Variants in EHBP1L1 observed in about 807,000 individuals in gnomAD.
EHBP1L1 encodes EH domain binding protein 1 like 1.
Under a neutral mutation model 151.1 loss-of-function variants are expected in EHBP1L1, and 122 were observed. The observed-to-expected ratio is 0.81, with a 90% CI of 0.70 to 0.94. The LOEUF is 0.94. Among genes scored for constraint, EHBP1L1 ranks in the 40% least tolerant of loss-of-function variants. EHBP1L1 has a pLI of 0.00. For synonymous variants in EHBP1L1, 878 were observed against 810.1 expected (o/e 1.08, Z -1.42); for missense variants, 1,941 against 1,959.8 (o/e 0.99, Z 0.18).
chr11:65,584,788 C>G, intron 11 of EHBP1L1, 171 bp from the exon 12 acceptor site: 2 of 1,042,740 alleles, frequency 1.9e-6, no homozygotes, highest in Non-Finnish European at 2.7e-6. Context: ...CGTTGCTAAG[C>G]AACGCGAGGG....
In EHBP1L1 at chr11:65,582,642, A is replaced by G. The variant is rs1184354161; in HGVS notation, c.1970A>G (p.Glu657Gly). The G allele has an allele frequency of 6.2e-7, 1 of 1,613,494 alleles. No individual in the cohort carries two copies. Among genetic ancestry groups the G allele is most frequent in the Admixed American group, 1.7e-5 (1 of 60,012 alleles). The change falls in exon 9 of 19, where the codon GAA (glutamate) becomes GGA (glycine). Residue 657 changes from glutamate to glycine, a missense_variant. By Grantham distance (98) the Glu-to-Gly change is moderately conservative (BLOSUM62 -2). Coordinates refer to ENST00000309295, the MANE Select transcript of EHBP1L1 (RefSeq NM_001099409.3). The stretch of plus-strand genomic sequence containing the variant: ...GAGGTATTGGGGACCCAGAAAACAG[A>G]AGCTGGGGGTTCAGGAGTTTTGCAG... ...ETEVLGTQKTEAGGSGVLQTR... is the reference protein window; with the variant it reads ...ETEVLGTQKTGAGGSGVLQTR...
Position 65,583,234 on chromosome 11 carries a change from C to G in EHBP1L1, c.2562C>G (p.Pro854=). 1.9e-6 allele frequency: 3 copies of G among 1,613,356 alleles called. No individual in the cohort carries two copies. Among genetic ancestry groups the G allele is most frequent in the Non-Finnish European group, 8.5e-7 (1 of 1,179,778 alleles). ...TEVGGSGISG[P]EAGMAEARVL... is the part of the protein sequence containing the mutation. Reference sequence around the variant, plus strand: ...TCGGGGGTTCAGGGATCTCAGGGCCCGAGGCTGGAATGGCAGAGGCCCGAG... The same window carrying G: ...TCGGGGGTTCAGGGATCTCAGGGCCGGAGGCTGGAATGGCAGAGGCCCGAG... The change falls in exon 9 of 19, where the codon CCC becomes CCG. Residue 854 remains proline, a synonymous_variant. Transcript: ENST00000309295.
intron 3 of EHBP1L1, 143 bp downstream of exon 3, chr11:65,579,579 C>G (rs1857494079): frequency 1.4e-6 from 1 of 696,576 alleles, no homozygotes; most frequent in Admixed American, 3.2e-5. Context: ...GCCTGCTCAG[C>G]ATCACTGGCC....
intron 6 of EHBP1L1, 21 bp from the exon 7 acceptor site, chr11:65,581,037 C>G: frequency 1.9e-6 from 3 of 1,588,702 alleles, no homozygotes; most frequent in Non-Finnish European, 2.6e-6. Flanking sequence ...CTGCCCTTCT[C>G]CCCTCTCCTA....
intron 9 of EHBP1L1, 160 bp downstream of exon 9, chr11:65,583,925 C>A (rs1857786636): frequency 7.1e-7 from 1 of 1,416,826 alleles, no homozygotes; most frequent in African/African-American, 1.4e-5. Flanking sequence ...CTCAGGATGC[C>A]CTGGCTCTCT....
chr11:65,581,481 G>A, intron 8 of EHBP1L1, 58 bp from the exon 9 acceptor site: 1 of 1,417,164 alleles, frequency 7.1e-7, no homozygotes, highest in Non-Finnish European at 9.4e-7. Flanking sequence ...GGTGGCGGAT[G>A]GTGCTGAGAG....
At position 65,576,264 on chromosome 11, in the gene EHBP1L1, C is replaced by G; in HGVS notation, c.-39C>G. ...GCCAGCGGTGGCGGGCCAGCGGGAG[C>G]CCCGGGCCTGAGAAGTGGGCGGCGG... On this transcript the variant is annotated 5_prime_UTR_variant, in exon 1 of 19. Transcript: ENST00000309295. 1 of 1,531,782 alleles carries G rather than the reference C, an allele frequency of 6.5e-7. No homozygotes were observed. The highest frequency in any genetic ancestry group is 8.8e-7 in the Non-Finnish European group (1 of 1,141,146). 94.9% of individuals were successfully genotyped at this position (1,531,782 alleles called of 1,614,324 possible). A position where few individuals can be genotyped will look rare whatever the true frequency, so the allele number is the denominator to read the frequency against.
Position 65,584,277 on chromosome 11 carries a change from C to T in EHBP1L1, c.3130C>T (p.Leu1044=), listed in dbSNP as rs1482341470. The change falls in exon 10 of 19, where the codon CTG becomes TTG. Residue 1044 remains leucine, a synonymous_variant. Transcript: ENST00000309295. ...CCTGGTCAGCTCCAGCCAGTCCCTG[C>T]TGGAGTGGTGCCAGGAAGTCACCAC... The part of the protein sequence containing the change: ...PALVSSSQSL[L]EWCQEVTTGY... The T allele has an allele frequency of 1.2e-6, 2 of 1,611,838 alleles. No homozygotes were observed. The highest frequency in any genetic ancestry group is 1.7e-6 in the Non-Finnish European group (2 of 1,179,130).
intron 12 of EHBP1L1, among the ~76,000 whole-genome samples, chr11:65,586,305 C>T (rs1237058734): frequency 2.0e-5 from 3 of 152,134 alleles, no homozygotes; most frequent in Non-Finnish European, 4.4e-5. Context: ...GCTCAGTGAC[C>T]CACAGCTGCT....
Position 65,589,811 on chromosome 11 carries a change from C to T in EHBP1L1, c.3994C>T (p.Gln1332Ter), listed in dbSNP as rs1565132797. The T allele has an allele frequency of 1.3e-6, 2 of 1,563,906 alleles. No homozygotes were observed. The highest frequency in any genetic ancestry group is 2.4e-5 in the East Asian group (1 of 42,112). Residue 1332 changes from glutamine to a stop codon, truncating the protein, a stop_gained, in exon 13 of 19, where the codon CAG becomes TAG. Coordinates refer to ENST00000309295, the MANE Select transcript of EHBP1L1 (RefSeq NM_001099409.3). LOFTEE classifies it high-confidence loss of function. ...PGPPTAADSQ[Q>*]PPGGSSPSEE... ...CCCACCCACAGCTGCAGACTCTCAACAGCCCCCTGGTGAGTAGCAGGAGTG... is the reference window on the plus strand; with the variant it reads ...CCCACCCACAGCTGCAGACTCTCAATAGCCCCCTGGTGAGTAGCAGGAGTG...
chr11:65,581,009 C>T, intron 6 of EHBP1L1, 49 bp from the exon 7 acceptor site: 1 of 1,552,720 alleles, frequency 6.4e-7, no homozygotes, highest in Non-Finnish European at 8.7e-7. Flanking sequence ...GCCTGTGGGG[C>T]CCTGCCCTGG....
chr11:65,584,870 C>T (rs1590827573), intron 11 of EHBP1L1, 89 bp from the exon 12 acceptor site: 5 of 1,477,882 alleles, frequency 3.4e-6, no homozygotes, highest in East Asian at 2.5e-5. Flanking sequence ...GTGCCAATCC[C>T]GGGGACCCCC....
chr11:65,579,808 C>T (rs1857506869), intron 3 of EHBP1L1, 128 bp from the exon 4 acceptor site: 2 of 977,432 alleles, frequency 2.0e-6, no homozygotes, highest in African/African-American at 1.9e-5. Flanking sequence ...GCCTCGACGA[C>T]AGAGGAAGAC....
At position 65,583,754 on chromosome 11, in the gene EHBP1L1, C is replaced by T; in HGVS notation, c.3082C>T (p.Pro1028Ser). 1 of 1,492,118 alleles carries T rather than the reference C, an allele frequency of 6.7e-7. No homozygotes were observed. The highest frequency in any genetic ancestry group is 1.3e-5 in the South Asian group (1 of 76,326). 92.4% of individuals were successfully genotyped at this position (1,492,118 alleles called of 1,614,324 possible). A position where few individuals can be genotyped will look rare whatever the true frequency, so the allele number is the denominator to read the frequency against. The stretch of plus-strand genomic sequence containing the variant: ...GAAGGCTGAAGAGGACAGGAGGCTG[C>T]CGGGCAGCCAGGTAGGGATGGGGGC... Reference protein sequence around the residue: ...PEKAEEDRRLPGSQAPPALVS... With the variant: ...PEKAEEDRRLSGSQAPPALVS... The change falls in exon 9 of 19, where the codon CCG becomes TCG. Residue 1028 changes from proline to serine, a missense_variant. Pro to Ser is a moderately conservative substitution (Grantham distance 74). Transcript: ENST00000309295.
At chr11:65,577,474 G>A (rs933627869) in intron 1 of EHBP1L1, among the ~76,000 whole-genome samples, 15 of 152,218 alleles carry the variant, frequency 9.9e-5, no homozygotes, top group Non-Finnish European at 8.8e-5. Context: ...AGCATCCTGC[G>A]GGAGGCCAGG....
At chr11:65,584,938 C>G (rs1329534947) in intron 11 of EHBP1L1, 21 bp from the exon 12 acceptor site, 1 of 1,531,816 alleles carries the variant, frequency 6.5e-7, no homozygotes, top group African/African-American at 1.4e-5. Flanking sequence ...GCCGCTGACC[C>G]CGAGTGCACC....
At chr11:65,586,080 G>T (rs1021236182) in intron 12 of EHBP1L1, among the ~76,000 whole-genome samples, 1 of 152,168 alleles carries the variant, frequency 6.6e-6, no homozygotes, top group Non-Finnish European at 1.5e-5. Context: ...ACTCAAGGGG[G>T]ATTCTCCAGG....
Position 65,585,670 on chromosome 11 carries a change from C to T in EHBP1L1, c.3933+79C>T. ...GATGGGCAGAGAACGGGCGAGCCCCCAAGGGGCCCCAAGGACAGAGCTGGC... is the reference window on the plus strand; with the variant it reads ...GATGGGCAGAGAACGGGCGAGCCCCTAAGGGGCCCCAAGGACAGAGCTGGC... On this transcript the variant is annotated intron_variant, in intron 12 of 18. Coordinates refer to ENST00000309295, the MANE Select transcript of EHBP1L1 (RefSeq NM_001099409.3). This position sits in a 1 kb window ranked among gnomAD's most constrained non-coding sequence, Gnocchi z 4.0. 3 of 1,509,764 alleles carry T rather than the reference C, an allele frequency of 2.0e-6. No individual in the cohort carries two copies. 93.5% of individuals were successfully genotyped at this position (1,509,764 alleles called of 1,614,324 possible).
Position 65,589,732 on chromosome 11 carries a change from C to A in EHBP1L1, c.3934-19C>A. The A allele has an allele frequency of 1.3e-6, 2 of 1,524,004 alleles. No homozygotes were observed. Among genetic ancestry groups the A allele is most frequent in the Non-Finnish European group, 1.8e-6 (2 of 1,134,678 alleles). The allele number at this position is 1,524,004 out of a possible 1,614,324, so 94.4% of individuals were successfully genotyped here. Reference sequence around the variant, plus strand: ...GGTGGGAAACCCCTCCCAGCCCTCACTGGCCCCTTCTTCCACAGGAAGGCC... The same window carrying A: ...GGTGGGAAACCCCTCCCAGCCCTCAATGGCCCCTTCTTCCACAGGAAGGCC... On this transcript the variant is annotated intron_variant, in intron 12 of 18. Transcript: ENST00000309295.
Sources: gnomAD v4.1 joint callset for allele counts (sites outside exome capture counted in the v4.1 genomes callset) on GRCh38, gnomAD v4.1.1 for gene constraint, Gnocchi (gnomAD v3.1) non-coding constraint, MANE v1.5 for transcripts, NCBI Gene and HGNC (gene_info 2026-07-23, HGNC 2026-07-21) for gene names.